Variants in SNTB1 observed in about 807,000 individuals in gnomAD.
SNTB1 encodes syntrophin beta 1.
In SNTB1, 36 loss-of-function variants were observed where a neutral mutation model predicts 48.9. That is an observed-to-expected ratio of 0.74 (90% CI 0.56 to 0.97). SNTB1 has a LOEUF of 0.97. SNTB1 is among the 50% of genes least tolerant of loss of function. SNTB1 has a pLI of 0.00. For missense variants in SNTB1, 786 were observed against 703.4 expected, an observed-to-expected ratio of 1.12 and a Z score of -1.33; for synonymous variants, 299 against 294.6, an observed-to-expected ratio of 1.01 and a Z score of -0.15.
chr8:120,784,359 C>A (rs2130136437), intron 1 of SNTB1, among the ~76,000 whole-genome samples: 1 of 152,038 alleles, frequency 6.6e-6, no homozygotes, highest in Non-Finnish European at 1.5e-5. Flanking sequence ...GTCTTGGAAC[C>A]AATCCACCTC....
At chr8:120,583,313 T>A (rs1181824927) in intron 3 of SNTB1, among the ~76,000 whole-genome samples, 1 of 152,044 alleles carries the variant, frequency 6.6e-6, no homozygotes, top group Admixed American at 6.5e-5. Context: ...AACACCAGCC[T>A]GGCCAACATG....
intron 2 of SNTB1, among the ~76,000 whole-genome samples, chr8:120,688,471 G>T (rs1439995448): frequency 6.6e-6 from 1 of 152,122 alleles, no homozygotes; most frequent in Non-Finnish European, 1.5e-5. Flanking sequence ...CAAAGTTCTA[G>T]ATATCTGGGG....
intron 3 of SNTB1, among the ~76,000 whole-genome samples, chr8:120,587,540 G>A (rs1006247130): frequency 3.3e-5 from 5 of 152,270 alleles, no homozygotes; most frequent in African/African-American, 1.2e-4. Context: ...AGACCCTGTG[G>A]AATGACTGGA....
At chr8:120,729,784 G>A (rs1041036750) in intron 1 of SNTB1, among the ~76,000 whole-genome samples, 2 of 152,182 alleles carry the variant, frequency 1.3e-5, no homozygotes, top group African/African-American at 4.8e-5. Flanking sequence ...ATTTACCATC[G>A]ACCTCACAGG....
chr8:120,539,430 G>A (rs1815250165), intron 6 of SNTB1, among the ~76,000 whole-genome samples: 1 of 152,166 alleles, frequency 6.6e-6, no homozygotes, highest in Non-Finnish European at 1.5e-5. Context: ...GTCATTAGAG[G>A]GTTAAAGGAG....
intron 2 of SNTB1, among the ~76,000 whole-genome samples, chr8:120,659,034 G>A (rs919610263): frequency 6.6e-6 from 1 of 151,476 alleles, no homozygotes; most frequent in Non-Finnish European, 1.5e-5. Context: ...CCCTATCTTG[G>A]CTCACTGCAA....
Position 120,774,917 on chromosome 8 carries a change from G to A in SNTB1, c.571+36356C>T, listed in dbSNP as rs529062557. Among the ~76,000 whole-genome samples the A allele has an allele frequency of 9.2e-5, 14 of 152,180 alleles. No individual in the cohort carries two copies. The East Asian group carries it at 9.7e-4, about 11-fold the overall frequency. Reference sequence around the variant, plus strand: ...GATCCACCTGCCTCAGCCTCCCCAAGTGCTGAGATTACAGGCATGAGCCAC... The same window carrying A: ...GATCCACCTGCCTCAGCCTCCCCAAATGCTGAGATTACAGGCATGAGCCAC... On this transcript the variant is annotated intron_variant, in intron 1 of 6. Transcript: ENST00000517992.
intron 4 of SNTB1, among the ~76,000 whole-genome samples, chr8:120,561,467 T>G (rs1339687299): frequency 1.3e-5 from 2 of 152,184 alleles, no homozygotes; most frequent in East Asian, 3.8e-4. Flanking sequence ...CTGATGGATA[T>G]TCTCACGTCA....
chr8:120,583,758 G>A lies in SNTB1; in HGVS notation c.997-8533C>T, dbSNP rs559842391. ...AACCCATTCTATAGACTAGACTTAC[G>A]CTGATCCAAAATAAGACAAATATAT... On this transcript the variant is annotated intron_variant, in intron 3 of 6. Transcript: ENST00000517992. 8.5e-5 allele frequency among the ~76,000 whole-genome samples: 13 copies of A among 152,128 alleles called. No individual in the cohort carries two copies. In the East Asian group the frequency reaches 2.1e-3, roughly 25 times the overall value.
rs71308607 is a variant in SNTB1 at position 120,755,142 on chromosome 8, TTGTGTGTGTG to T, written c.571+56121_571+56130del. Among the ~76,000 whole-genome samples the T allele has an allele frequency of 8.2e-4, 49 of 59,738 alleles. No individual in the cohort carries two copies. The East Asian group carries it at 0.019, about 23-fold the overall frequency. 39.2% of individuals were successfully genotyped at this position (59,738 alleles called of 152,430 possible). Reference sequence around the variant, plus strand: ...GTTGAGTCTAAGCTATGCTGTGGTGTTGTGTGTGTGTGTGTGTGTGTGTGTGTGTGAGAGA... The same window carrying T: ...GTTGAGTCTAAGCTATGCTGTGGTGTTGTGTGTGTGTGTGTGTGTGAGAGA... On this transcript the variant is annotated intron_variant, in intron 1 of 6. Coordinates refer to ENST00000517992, the MANE Select transcript of SNTB1 (RefSeq NM_021021.4).
intron 2 of SNTB1, among the ~76,000 whole-genome samples, chr8:120,676,653 C>T (rs114982356): frequency 1.9e-3 from 295 of 152,314 alleles, no homozygotes; most frequent in African/African-American, 6.9e-3. Flanking sequence ...GTGTACTTCT[C>T]ACCCTATGAA....
At position 120,811,253 on chromosome 8, in the gene SNTB1, G is replaced by C. The variant is rs764002905; in HGVS notation, c.571+20C>G. 8.3e-6 allele frequency: 13 copies of C among 1,558,670 alleles called. No homozygotes were observed. Among genetic ancestry groups the C allele is most frequent in the Middle Eastern group, 1.7e-4 (1 of 5,774 alleles). ...GGTGTGTGCGCGCCCGGCGCGGCCCGCGCGCTGTTAACCCCTTACCTTCCA... is the reference window on the plus strand; with the variant it reads ...GGTGTGTGCGCGCCCGGCGCGGCCCCCGCGCTGTTAACCCCTTACCTTCCA... On this transcript the variant is annotated intron_variant, in intron 1 of 6. Coordinates refer to ENST00000517992, the MANE Select transcript of SNTB1 (RefSeq NM_021021.4).
chr8:120,611,333 C>T (rs1003715018), intron 3 of SNTB1, among the ~76,000 whole-genome samples: 1 of 136,522 alleles, frequency 7.3e-6, no homozygotes, highest in African/African-American at 2.8e-5. Flanking sequence ...CAAAAGTTGG[C>T]AAATAGCAAT....
intron 3 of SNTB1, among the ~76,000 whole-genome samples, chr8:120,579,989 C>G (rs1395026998): frequency 1.3e-5 from 2 of 152,122 alleles, no homozygotes; most frequent in Non-Finnish European, 2.9e-5. Flanking sequence ...CTTGCCTTTG[C>G]TGGGTCAAAA....
At chr8:120,788,663 T>C (rs1380967696) in intron 1 of SNTB1, among the ~76,000 whole-genome samples, 1 of 151,882 alleles carries the variant, frequency 6.6e-6, no homozygotes, top group Non-Finnish European at 1.5e-5. Context: ...TACATAATGA[T>C]AAAATGATCA....
intron 2 of SNTB1, among the ~76,000 whole-genome samples, chr8:120,639,611 T>C (rs1471441462): frequency 1.3e-5 from 2 of 152,176 alleles, no homozygotes; most frequent in African/African-American, 4.8e-5. Context: ...AGCCAGTTTT[T>C]CCAGCACCAT....
At chr8:120,602,508 A>G (rs1816436170) in intron 3 of SNTB1, among the ~76,000 whole-genome samples, 1 of 152,232 alleles carries the variant, frequency 6.6e-6, no homozygotes, top group East Asian at 1.9e-4. Flanking sequence ...CTGCCTCTAC[A>G]CTGTCTTTGG....
Position 120,763,130 on chromosome 8 carries a change from T to G in SNTB1, c.571+48143A>C, listed in dbSNP as rs112882775. ...CTAGAACAATTTATATGATTTCCAT[T>G]AAATTTCTTTTGCTATTTATTAATA... On this transcript the variant is annotated intron_variant, in intron 1 of 6. Coordinates refer to ENST00000517992, the MANE Select transcript of SNTB1 (RefSeq NM_021021.4). Among the ~76,000 whole-genome samples, 450 of 152,336 alleles carry G rather than the reference T, an allele frequency of 3.0e-3. 9 individuals carry two copies. The highest frequency in any genetic ancestry group is 0.01 in the African/African-American group (425 of 41,578).
At chr8:120,748,620 T>C (rs892465127) in intron 1 of SNTB1, among the ~76,000 whole-genome samples, 14 of 152,264 alleles carry the variant, frequency 9.2e-5, no homozygotes, top group African/African-American at 3.4e-4. Context: ...AGCCCTTCAA[T>C]TTACTATGAA....
Sources: gnomAD v4.1 joint callset for allele counts (sites outside exome capture counted in the v4.1 genomes callset) on GRCh38, gnomAD v4.1.1 for gene constraint, MANE v1.5 for transcripts, NCBI Gene and HGNC (gene_info 2026-07-23, HGNC 2026-07-21) for gene names.